Variants in SIPA1L1 observed in about 807,000 individuals in gnomAD.
The protein encoded by SIPA1L1 is signal induced proliferation associated 1 like 1.
SIPA1L1 carries 26 observed loss-of-function variants against 162.7 expected under a neutral mutation model. The ratio of observed to expected loss-of-function variants is 0.16; its 90% confidence interval spans 0.12 to 0.22. The LOEUF is 0.22. Ranked by LOEUF, SIPA1L1 falls within the 10% of genes least tolerant of loss-of-function variation. SIPA1L1 has a pLI of 1.00. For synonymous variants in SIPA1L1, 829 were observed against 837.4 expected (o/e 0.99, Z 0.17); for missense variants, 1,874 against 2,241.0 (o/e 0.84, Z 3.31).
At chr14:71,717,384 A>G (rs953339694) in intron 17 of SIPA1L1, among the ~76,000 whole-genome samples, 2 of 152,230 alleles carry the variant, frequency 1.3e-5, no homozygotes, top group Admixed American at 1.3e-4. Context: ...GTAAATTTCT[A>G]GTGATTCCAA....
intron 9 of SIPA1L1, among the ~76,000 whole-genome samples, chr14:71,659,796 C>G (rs1283990673): frequency 6.6e-6 from 1 of 151,934 alleles, no homozygotes; most frequent in Non-Finnish European, 1.5e-5. Flanking sequence ...GCAGCTCTCT[C>G]AATTATTTAA....
At chr14:71,670,329 A>G (rs2044395998) in intron 10 of SIPA1L1, among the ~76,000 whole-genome samples, 1 of 152,218 alleles carries the variant, frequency 6.6e-6, no homozygotes. Flanking sequence ...AGGAATATAT[A>G]GTCAGAAGAA....
At chr14:71,627,579 G>T (rs1201815837) in intron 7 of SIPA1L1, among the ~76,000 whole-genome samples, 2 of 151,852 alleles carry the variant, frequency 1.3e-5, no homozygotes, top group Admixed American at 6.6e-5. Flanking sequence ...TTACTGTCAG[G>T]CACCTTGATC....
At chr14:71,458,396 G>A (rs1445391809) in intron 2 of SIPA1L1, among the ~76,000 whole-genome samples, 1 of 152,100 alleles carries the variant, frequency 6.6e-6, no homozygotes, top group African/African-American at 2.4e-5. Flanking sequence ...GGTCATATTC[G>A]TATGTAACAT....
intron 2 of SIPA1L1, among the ~76,000 whole-genome samples, chr14:71,373,203 C>T (rs1393353775): frequency 6.0e-5 from 9 of 150,946 alleles, no homozygotes; most frequent in Admixed American, 3.3e-4. Flanking sequence ...CCCGGCTACT[C>T]GGGAGGCTGA....
intron 9 of SIPA1L1, among the ~76,000 whole-genome samples, 176 bp from the exon 10 acceptor site, chr14:71,661,134 G>A (rs2043471639): frequency 6.6e-6 from 1 of 152,178 alleles, no homozygotes; most frequent in African/African-American, 2.4e-5. Context: ...TCGTTTCTAT[G>A]TTCTTCCTTA....
intron 15 of SIPA1L1, chr14:71,704,891 C>A: frequency 1.3e-6 from 1 of 747,246 alleles, no homozygotes; most frequent in South Asian, 1.6e-5. Context: ...GAATGAATTT[C>A]ATAAATTTAA....
At chr14:71,333,149 A>C (rs2034740055) in intron 2 of SIPA1L1, among the ~76,000 whole-genome samples, 1 of 152,200 alleles carries the variant, frequency 6.6e-6, no homozygotes, top group South Asian at 2.1e-4. Flanking sequence ...TGGAAACTTA[A>C]TGCCTGTTTC....
At chr14:71,544,185 A>G (rs535225780) in intron 4 of SIPA1L1, among the ~76,000 whole-genome samples, 33 of 151,232 alleles carry the variant, frequency 2.2e-4, no homozygotes, top group African/African-American at 5.8e-4. Context: ...ACGTGTGTGT[A>G]TATATACATA....
At chr14:71,701,562 A>G (rs1357515243) in intron 14 of SIPA1L1, among the ~76,000 whole-genome samples, 1 of 152,160 alleles carries the variant, frequency 6.6e-6, no homozygotes, top group Non-Finnish European at 1.5e-5. Flanking sequence ...GTTCATTAGT[A>G]ACCACATATA....
At chr14:71,329,724 CGTT>C (rs1248294641) in intron 2 of SIPA1L1, among the ~76,000 whole-genome samples, 1 of 152,016 alleles carries the variant, frequency 6.6e-6, no homozygotes, top group African/African-American at 2.4e-5. Context: ...TTCATATTCT[CGTT>C]GGCCATTTGT....
At chr14:71,505,970 C>CCAAAAA (rs398043824) in intron 2 of SIPA1L1, among the ~76,000 whole-genome samples, 1 of 142,694 alleles carries the variant, frequency 7.0e-6, no homozygotes, top group Non-Finnish European at 1.5e-5. Context: ...TCCCCCCCCC[C>CCAAAAA]AAAAAAAAAA....
intron 2 of SIPA1L1, among the ~76,000 whole-genome samples, chr14:71,406,529 A>G (rs1440557581): frequency 2.6e-5 from 4 of 152,208 alleles, no homozygotes; most frequent in Non-Finnish European, 2.9e-5. Flanking sequence ...GATAAGAAAT[A>G]CAATTCTTGT....
chr14:71,387,640 T>A (rs560674338), intron 2 of SIPA1L1, among the ~76,000 whole-genome samples: 51 of 152,360 alleles, frequency 3.3e-4, no homozygotes, highest in African/African-American at 1.2e-3. Flanking sequence ...AAGGTATGCA[T>A]ACGTATGTTT....
intron 2 of SIPA1L1, among the ~76,000 whole-genome samples, chr14:71,365,751 G>T: frequency 6.7e-6 from 1 of 149,638 alleles, no homozygotes; most frequent in African/African-American, 2.5e-5. Flanking sequence ...TTTTTAGCAG[G>T]GTCTGGCTCT....
intron 2 of SIPA1L1, among the ~76,000 whole-genome samples, chr14:71,417,842 GA>G (rs2140478158): frequency 6.6e-6 from 1 of 152,302 alleles, no homozygotes; most frequent in East Asian, 1.9e-4. Flanking sequence ...GTAGCTAGGG[GA>G]TGATTAGAGA....
chr14:71,475,452 G>GA (rs1416985976), intron 2 of SIPA1L1, among the ~76,000 whole-genome samples: 2 of 152,116 alleles, frequency 1.3e-5, no homozygotes, highest in East Asian at 1.9e-4. Flanking sequence ...GGTGGTGGGG[G>GA]ATTAGGTAAT....
chr14:71,410,359 G>C (rs571208148), intron 2 of SIPA1L1, among the ~76,000 whole-genome samples: 27 of 152,280 alleles, frequency 1.8e-4, no homozygotes, highest in African/African-American at 6.3e-4. Flanking sequence ...AGTATAAGCA[G>C]GGTGAGGGGC....
At chr14:71,460,703 G>A (rs965083204) in intron 2 of SIPA1L1, among the ~76,000 whole-genome samples, 1 of 152,218 alleles carries the variant, frequency 6.6e-6, no homozygotes, top group African/African-American at 2.4e-5. Flanking sequence ...GCTTTTGCTA[G>A]TGGATCACTA....
Sources: allele counts gnomAD v4.1 joint callset (sites outside exome capture counted in the v4.1 genomes callset), GRCh38; gene constraint gnomAD v4.1.1; transcripts MANE v1.5; gene names NCBI Gene and HGNC (gene_info 2026-07-23, HGNC 2026-07-21).